NUP98: variants seen among roughly 807,000 people sequenced by gnomAD.
NUP98 encodes nucleoporin 98 and 96 precursor.
A neutral mutation model predicts 191.9 loss-of-function variants in NUP98; 26 were observed. That is an observed-to-expected ratio of 0.14 (90% CI 0.10 to 0.19). The LOEUF is 0.19. Ranked by LOEUF, NUP98 falls within the 10% of genes least tolerant of loss-of-function variation. The pLI is 1.00. For synonymous variants in NUP98, 808 were observed against 778.4 expected (o/e 1.04, Z -0.63); for missense variants, 1,941 against 2,178.8 (o/e 0.89, Z 2.17).
At chr11:3,742,770 C>T (rs1193656251) in intron 12 of NUP98, among the ~76,000 whole-genome samples, 1 of 150,732 alleles carries the variant, frequency 6.6e-6, no homozygotes, top group Non-Finnish European at 1.5e-5. Flanking sequence ...GTACTAATAT[C>T]CTCATCTGAC....
intron 16 of NUP98, 150 bp from the exon 17 acceptor site, chr11:3,720,975 A>AGAGTGT (rs142023494): frequency 4.3e-5 from 14 of 324,496 alleles, no homozygotes; most frequent in African/African-American, 1.4e-4. Flanking sequence ...GGGGTGTGTG[A>AGAGTGT]GTGTGTGTGT....
chr11:3,708,932 T>G (rs1429071265), intron 20 of NUP98, among the ~76,000 whole-genome samples: 1 of 152,166 alleles, frequency 6.6e-6, no homozygotes, highest in African/African-American at 2.4e-5. Flanking sequence ...AAATACTAAC[T>G]ACACAGATTA....
intron 30 of NUP98, 94 bp downstream of exon 30, chr11:3,683,106 C>T (rs1177158092): frequency 7.8e-6 from 12 of 1,540,924 alleles, no homozygotes; most frequent in African/African-American, 6.8e-5. Context: ...CCATGTCCTA[C>T]GTTGAGTCTT....
At chr11:3,681,067 T>C (rs2077969059) in intron 30 of NUP98, among the ~76,000 whole-genome samples, 1 of 151,990 alleles carries the variant, frequency 6.6e-6, no homozygotes, top group African/African-American at 2.4e-5. Context: ...CCAGACAGGG[T>C]CTCACGGTGT....
At chr11:3,717,481 T>C (rs2079227372) in intron 18 of NUP98, among the ~76,000 whole-genome samples, 1 of 152,244 alleles carries the variant, frequency 6.6e-6, no homozygotes, top group Admixed American at 6.5e-5. Context: ...GTTTTCTTAA[T>C]TTTTGTTGTT....
intron 15 of NUP98, 95 bp downstream of exon 15, chr11:3,725,008 T>A: frequency 1.6e-6 from 1 of 622,290 alleles, no homozygotes; most frequent in South Asian, 2.3e-5. Context: ...GTAATATTCA[T>A]CAAACTTCAT....
intron 1 of NUP98, among the ~76,000 whole-genome samples, chr11:3,786,925 A>T (rs2082161273): frequency 6.6e-6 from 1 of 152,348 alleles, no homozygotes. Flanking sequence ...TTTCCACTTC[A>T]TTAAACTCCT....
chr11:3,771,804 G>A lies in NUP98; in HGVS notation c.728C>T (p.Ser243Phe). The A allele has an allele frequency of 6.2e-7, 1 of 1,614,170 alleles. No homozygotes were observed. Among genetic ancestry groups the A allele is most frequent in the South Asian group, 1.1e-5 (1 of 91,090 alleles). ...TGCAAAGCCTGAATTAGTGGTGGAGGAGCTGAAGAGTCCTGTTGCGCTGGA... is the reference window on the plus strand; with the variant it reads ...TGCAAAGCCTGAATTAGTGGTGGAGAAGCTGAAGAGTCCTGTTGCGCTGGA... ...ATSSATGLFS[S>F]STTNSGFAYG... The change falls in exon 7 of 33, where the codon TCC (serine) becomes TTC (phenylalanine). Residue 243 changes from serine (S) to phenylalanine (F), a missense_variant. Transcript: ENST00000324932.
intron 1 of NUP98, among the ~76,000 whole-genome samples, chr11:3,790,049 C>T (rs2082282312): frequency 1.3e-5 from 2 of 152,160 alleles, no homozygotes; most frequent in South Asian, 4.1e-4. Context: ...TCCCAAAGTG[C>T]TAGCATTACA....
At chr11:3,724,722 G>A (rs2079545914) in intron 15 of NUP98, among the ~76,000 whole-genome samples, 1 of 140,848 alleles carries the variant, frequency 7.1e-6, no homozygotes, top group South Asian at 2.3e-4. Context: ...GAGCATGGGA[G>A]GCGATCTTGG....
intron 1 of NUP98, among the ~76,000 whole-genome samples, chr11:3,791,363 T>C (rs1051179628): frequency 4.0e-5 from 6 of 149,240 alleles, no homozygotes; most frequent in African/African-American, 1.5e-4. Context: ...TGAAACCTCA[T>C]CTCTACTAAA....
chr11:3,731,345 A>C, intron 14 of NUP98, 46 bp downstream of exon 14: 2 of 1,200,290 alleles, frequency 1.7e-6, no homozygotes, highest in East Asian at 5.0e-5. Flanking sequence ...TATTTAGTTT[A>C]TATCAGTATT....
chr11:3,759,867 T>C (rs2081105770), intron 10 of NUP98, among the ~76,000 whole-genome samples: 1 of 151,844 alleles, frequency 6.6e-6, no homozygotes, highest in South Asian at 2.1e-4. Context: ...GAGACCTACT[T>C]TCACTATGTT....
At chr11:3,706,361 C>T (rs1222377433) in intron 21 of NUP98, 84 bp downstream of exon 21, 1 of 1,298,172 alleles carries the variant, frequency 7.7e-7, no homozygotes, top group Non-Finnish European at 1.1e-6. Context: ...ATCTTAATAA[C>T]CAAGGAAGAG....
At chr11:3,678,341 G>A (rs541362424) in intron 31 of NUP98, among the ~76,000 whole-genome samples, 1 of 152,162 alleles carries the variant, frequency 6.6e-6, no homozygotes, top group African/African-American at 2.4e-5. Context: ...GCCACAAATT[G>A]AATCTATAAG....
chr11:3,750,389 T>TGG (rs2080703394), intron 11 of NUP98, among the ~76,000 whole-genome samples: 2 of 152,174 alleles, frequency 1.3e-5, no homozygotes, highest in Non-Finnish European at 2.9e-5. Context: ...AGCCACCTCA[T>TGG]CCAGCTCTAA....
chr11:3,766,903 T>A (rs556503683), intron 8 of NUP98, among the ~76,000 whole-genome samples: 1 of 152,290 alleles, frequency 6.6e-6, no homozygotes, highest in Non-Finnish European at 1.5e-5. Flanking sequence ...TGATTAATGA[T>A]CATATGTTGA....
chr11:3,769,320 G>C (rs2081440680), intron 7 of NUP98, among the ~76,000 whole-genome samples: 2 of 152,076 alleles, frequency 1.3e-5, no homozygotes, highest in Non-Finnish European at 1.5e-5. Flanking sequence ...TAGCTACTTG[G>C]GAGACCGAGG....
rs1295098966 is a variant in NUP98 at position 3,705,251 on chromosome 11, A to G, written c.3031T>C (p.Ser1011Pro). ...GATGCTGAAATGGGGAGTCTGGGAG[A>G]ACAGATTTCTTGAGAAGTATCTGCT... ...SKADTSQEICSPRLPISASHS... is the reference protein window; with the variant it reads ...SKADTSQEICPPRLPISASHS... Residue 1011 changes from serine to proline, a missense_variant, in exon 22 of 33, where the codon TCT becomes CCT. Around this residue, in one of 6 missense-constraint regions of NUP98, gnomAD observed 1,030 missense variants for 1,115.8 expected, o/e 0.92. Transcript: ENST00000324932. 6.2e-7 allele frequency: 1 copy of G among 1,614,166 alleles called. No homozygotes were observed. Among genetic ancestry groups the G allele is most frequent in the East Asian group, 2.2e-5 (1 of 44,882 alleles).
Sources: allele counts gnomAD v4.1 joint callset (sites outside exome capture counted in the v4.1 genomes callset), GRCh38; gene constraint gnomAD v4.1.1; regional missense constraint gnomAD v4.1.1; transcripts MANE v1.5; gene names NCBI Gene and HGNC (gene_info 2026-07-23, HGNC 2026-07-21).